DOCK3: variants seen among roughly 807,000 people sequenced by gnomAD.
DOCK3 encodes dedicator of cytokinesis 3.
A neutral mutation model predicts 265.6 loss-of-function variants in DOCK3; 60 were observed. That is an observed-to-expected ratio of 0.23 (90% CI 0.18 to 0.28). The LOEUF is 0.28. Ranked by LOEUF, DOCK3 falls within the 10% of genes least tolerant of loss-of-function variation. The pLI, the probability that DOCK3 is intolerant of heterozygous loss-of-function variation, is 1.00. For synonymous variants in DOCK3, 881 were observed against 938.0 expected (o/e 0.94, Z 1.11); for missense variants, 1,981 against 2,594.3 (o/e 0.76, Z 5.14).
At chr3:50,730,978 A>C (rs928550625) in intron 1 of DOCK3, among the ~76,000 whole-genome samples, 2 of 151,686 alleles carry the variant, frequency 1.3e-5, no homozygotes, top group African/African-American at 4.8e-5. Context: ...AAAATACAAA[A>C]AAAATTAGCT....
intron 1 of DOCK3, among the ~76,000 whole-genome samples, chr3:50,718,063 G>A (rs969244676): frequency 6.6e-6 from 1 of 152,138 alleles, no homozygotes; most frequent in Non-Finnish European, 1.5e-5. Context: ...TTACAGATGA[G>A]GCCATCGGTA....
At chr3:51,314,888 G>A (rs1355179016) in intron 31 of DOCK3, 92 bp from the exon 32 acceptor site, 6 of 1,389,040 alleles carry the variant, frequency 4.3e-6, no homozygotes, top group Admixed American at 6.0e-5. Context: ...GAAGCTTCCA[G>A]TATGGATTGT....
At chr3:50,719,545 G>T in intron 1 of DOCK3, 1 of 1,240,826 alleles carries the variant, frequency 8.1e-7, no homozygotes, top group Non-Finnish European at 1.2e-6. Context: ...TGGATCTAGA[G>T]CACTCCATGG....
intron 49 of DOCK3, among the ~76,000 whole-genome samples, chr3:51,373,307 G>C (rs1226978450): frequency 6.6e-6 from 1 of 152,202 alleles, no homozygotes; most frequent in Non-Finnish European, 1.5e-5. Flanking sequence ...TGCAGATTCA[G>C]CTGGAGCCCA....
intron 3 of DOCK3, among the ~76,000 whole-genome samples, chr3:50,879,666 C>T (rs1308290224): frequency 6.6e-6 from 1 of 152,140 alleles, no homozygotes; most frequent in Non-Finnish European, 1.5e-5. Context: ...CTTAGACTCC[C>T]AAACAATAAT....
intron 7 of DOCK3, among the ~76,000 whole-genome samples, chr3:51,087,377 A>G (rs547528338): frequency 6.6e-6 from 1 of 152,362 alleles, no homozygotes; most frequent in African/African-American, 2.4e-5. Flanking sequence ...AGAATGAAGG[A>G]CAAAAACAAT....
At chr3:51,332,785 G>A (rs1411280760) in intron 33 of DOCK3, among the ~76,000 whole-genome samples, 1 of 152,208 alleles carries the variant, frequency 6.6e-6, no homozygotes, top group East Asian at 1.9e-4. Context: ...GTGGGCTCTT[G>A]TTCAACTACT....
chr3:51,259,138 A>G lies in DOCK3; in HGVS notation c.2185-1018A>G, dbSNP rs1009457942. On this transcript the variant is annotated intron_variant, in intron 22 of 52. Transcript: ENST00000266037. The stretch of plus-strand genomic sequence containing the variant: ...ATGAGGCCGCACACTAAATCCTTCT[A>G]CAGAATCATCTGGTACAAGCCCTGT... Among the ~76,000 whole-genome samples the G allele has an allele frequency of 2.0e-5, 3 of 152,214 alleles. No homozygotes were observed. The East Asian group carries it at 5.8e-4, about 29-fold the overall frequency.
At chr3:51,129,026 A>T (rs2084391468) in intron 9 of DOCK3, among the ~76,000 whole-genome samples, 2 of 152,252 alleles carry the variant, frequency 1.3e-5, no homozygotes, top group Non-Finnish European at 2.9e-5. Context: ...CTGACTACTC[A>T]GAGAGGTCCA....
chr3:50,752,897 CT>C (rs1383481086), intron 1 of DOCK3, among the ~76,000 whole-genome samples: 1 of 152,146 alleles, frequency 6.6e-6, no homozygotes, highest in Non-Finnish European at 1.5e-5. Context: ...TTTGTGCTAC[CT>C]TTGTTACAAA....
chr3:50,767,702 C>G (rs1380664277), intron 1 of DOCK3, among the ~76,000 whole-genome samples: 1 of 152,014 alleles, frequency 6.6e-6, no homozygotes, highest in Non-Finnish European at 1.5e-5. Flanking sequence ...CTATAAATTA[C>G]CTTGGGCAAT....
chr3:51,151,541 A>G (rs2085595401), intron 10 of DOCK3, among the ~76,000 whole-genome samples: 2 of 152,258 alleles, frequency 1.3e-5, no homozygotes, highest in African/African-American at 4.8e-5. Flanking sequence ...TGTCATTTTG[A>G]TGTTAGCTGG....
At chr3:51,039,728 G>T (rs2080404772) in intron 5 of DOCK3, among the ~76,000 whole-genome samples, 1 of 151,456 alleles carries the variant, frequency 6.6e-6, no homozygotes, top group Non-Finnish European at 1.5e-5. Flanking sequence ...GTCAGTTTTG[G>T]CTGTTATATA....
At chr3:50,904,971 T>G (rs575426392) in intron 4 of DOCK3, among the ~76,000 whole-genome samples, 1 of 152,270 alleles carries the variant, frequency 6.6e-6, no homozygotes, top group South Asian at 2.1e-4. Context: ...GTTTCAGCTT[T>G]CTACATATGG....
At chr3:51,084,644 A>G (rs1444588005) in intron 7 of DOCK3, among the ~76,000 whole-genome samples, 3 of 152,208 alleles carry the variant, frequency 2.0e-5, no homozygotes, top group African/African-American at 7.2e-5. Context: ...CCATCATGAA[A>G]ACACACAAAA....
chr3:51,084,545 A>G (rs1489218255), intron 7 of DOCK3, among the ~76,000 whole-genome samples: 1 of 152,194 alleles, frequency 6.6e-6, no homozygotes, highest in African/African-American at 2.4e-5. Context: ...CTAGACAAGC[A>G]AAAACTGAGG....
At chr3:51,325,655 A>G (rs1194826084) in intron 32 of DOCK3, among the ~76,000 whole-genome samples, 1 of 152,220 alleles carries the variant, frequency 6.6e-6, no homozygotes, top group Admixed American at 6.5e-5. Context: ...AAGACTTGGA[A>G]CCAACCCAAA....
chr3:50,775,648 T>G (rs1239200760), intron 1 of DOCK3, among the ~76,000 whole-genome samples: 2 of 152,094 alleles, frequency 1.3e-5, no homozygotes, highest in Non-Finnish European at 2.9e-5. Context: ...GTTTCATGGA[T>G]GAGTTCTTTA....
chr3:51,198,506 A>T (rs1196465674), intron 12 of DOCK3, among the ~76,000 whole-genome samples: 2 of 151,472 alleles, frequency 1.3e-5, no homozygotes, highest in Non-Finnish European at 2.9e-5. Flanking sequence ...TGGGCCTCTT[A>T]GAGCAGAGGA....
Sources: allele counts gnomAD v4.1 joint callset (sites outside exome capture counted in the v4.1 genomes callset), GRCh38; gene constraint gnomAD v4.1.1; transcripts MANE v1.5; gene names NCBI Gene and HGNC (gene_info 2026-07-23, HGNC 2026-07-21).